Variants in HIVEP1 observed in about 807,000 individuals in gnomAD.
The protein encoded by HIVEP1 is zinc finger protein 40.
HIVEP1 carries 36 observed loss-of-function variants against 180.0 expected under a neutral mutation model. The ratio of observed to expected loss-of-function variants is 0.20; its 90% CI spans 0.15 to 0.26. The LOEUF (loss-of-function observed/expected upper bound fraction) is 0.26, where lower values mean the gene tolerates loss of function less well. Ranked by LOEUF, HIVEP1 falls within the 10% of genes least tolerant of loss-of-function variation. The pLI, the probability that HIVEP1 is intolerant of heterozygous loss-of-function variation, is 1.00. For missense variants in HIVEP1, 3,143 were observed against 3,268.7 expected, an observed-to-expected ratio of 0.96 and a Z score of 0.94; for synonymous variants, 1,239 against 1,239.0, an observed-to-expected ratio of 1.00 and a Z score of 0.00.
At chr6:12,139,726 G>T (rs1264187779) in intron 7 of HIVEP1, among the ~76,000 whole-genome samples, 3 of 152,200 alleles carry the variant, frequency 2.0e-5, no homozygotes, top group African/African-American at 7.2e-5. Context: ...ACAGAGCCTT[G>T]CTCACTGCTA....
the HIVEP1 span, among the ~76,000 whole-genome samples, chr6:12,175,314 A>C: frequency 4.1e-4 from 62 of 152,306 alleles, 1 homozygote; most frequent in Non-Finnish European, 4.0e-4. Context: ...GCTAATTGTC[A>C]AATTATTTAT....
intron 2 of HIVEP1, among the ~76,000 whole-genome samples, chr6:12,086,196 A>G (rs1773106707): frequency 6.6e-6 from 1 of 152,126 alleles, no homozygotes; most frequent in South Asian, 2.1e-4. Context: ...TGGATCTTAA[A>G]GATTACAGAT....
the HIVEP1 span, among the ~76,000 whole-genome samples, chr6:12,202,235 G>C: frequency 2.0e-5 from 3 of 152,008 alleles, no homozygotes; most frequent in African/African-American, 7.2e-5. Context: ...GCTCACTGCA[G>C]CCTTGACCTC....
At chr6:12,017,967 C>T in intron 2 of HIVEP1, among the ~76,000 whole-genome samples, 1 of 152,326 alleles carries the variant, frequency 6.6e-6, no homozygotes, top group Admixed American at 6.5e-5. Flanking sequence ...CGCCTAGGAA[C>T]AGGGGGCAGC....
At chr6:12,102,959 A>G (rs1427056042) in intron 3 of HIVEP1, among the ~76,000 whole-genome samples, 1 of 152,070 alleles carries the variant, frequency 6.6e-6, no homozygotes, top group Non-Finnish European at 1.5e-5. Flanking sequence ...TTGTATTTTA[A>G]TAATTAGAAT....
chr6:12,150,099 G>A (rs1274643527), intron 7 of HIVEP1, among the ~76,000 whole-genome samples: 1 of 152,202 alleles, frequency 6.6e-6, no homozygotes, highest in Non-Finnish European at 1.5e-5. Context: ...TTTAAAACTA[G>A]CAACTTGAGC....
At chr6:12,045,054 G>T (rs1434594924) in intron 2 of HIVEP1, among the ~76,000 whole-genome samples, 1 of 152,238 alleles carries the variant, frequency 6.6e-6, no homozygotes, top group African/African-American at 2.4e-5. Context: ...TAGATGAGTT[G>T]TTTAGAACAC....
chr6:12,195,698 G>C, the HIVEP1 span, among the ~76,000 whole-genome samples: 2 of 151,878 alleles, frequency 1.3e-5, no homozygotes, highest in African/African-American at 4.8e-5. Context: ...GGAAATCATG[G>C]TGACTCTGAA....
intron 2 of HIVEP1, among the ~76,000 whole-genome samples, chr6:12,051,514 C>T (rs1581584056): frequency 6.6e-6 from 1 of 151,922 alleles, no homozygotes; most frequent in South Asian, 2.1e-4. Context: ...TCCATTTTTG[C>T]CTTTACTATG....
chr6:12,066,882 GTA>G lies in HIVEP1; in HGVS notation c.41-22291_41-22290del, dbSNP rs1408950921. ...ACAAAGACACTGTGTGTGTGTGTGT[GTA>G]TATATATATACACACACATACACTT... On this transcript the variant is annotated intron_variant, in intron 2 of 8. Transcript: ENST00000379388. 5.3e-5 allele frequency among the ~76,000 whole-genome samples: 8 copies of G among 151,318 alleles called. No individual in the cohort carries two copies. In the East Asian group the frequency reaches 7.8e-4, roughly 15 times the overall value.
chr6:12,015,509 G>C lies in HIVEP1; in HGVS notation c.-103-17G>C, dbSNP rs149694079. The C allele has an allele frequency of 2.5e-6, 2 of 805,748 alleles. No homozygotes were observed. Among genetic ancestry groups the C allele is most frequent in the African/African-American group, 3.5e-5 (2 of 57,586 alleles). 49.9% of individuals were successfully genotyped at this position (805,748 alleles called of 1,614,324 possible). A position where few individuals can be genotyped will look rare whatever the true frequency, so the allele number is the denominator to read the frequency against. ...TGAAGGTAGTAAAATGTGCTTCTCCGTTTTTTTCTTTTTCAGCACATGGAT... is the reference window on the plus strand; with the variant it reads ...TGAAGGTAGTAAAATGTGCTTCTCCCTTTTTTTCTTTTTCAGCACATGGAT... On this transcript the variant is annotated splice_polypyrimidine_tract_variant and intron_variant, in intron 1 of 8. Transcript: ENST00000379388.
rs533251013 is a variant in HIVEP1, at chr6:12,047,595, G to T, written c.40+31927G>T. ...GAGCAGAGGTGCTACTCAGAAGCAG[G>T]TGTTCTGCCACAAACACATCTTCTT... On this transcript the variant is annotated intron_variant, in intron 2 of 8. Coordinates refer to ENST00000379388, the MANE Select transcript of HIVEP1 (RefSeq NM_002114.4). 1.8e-4 allele frequency among the ~76,000 whole-genome samples: 27 copies of T among 152,360 alleles called. No homozygotes were observed. The South Asian group carries it at 5.2e-3, about 29-fold the overall frequency.
the HIVEP1 span, among the ~76,000 whole-genome samples, chr6:12,201,296 G>A: frequency 2.0e-5 from 3 of 152,094 alleles, no homozygotes; most frequent in African/African-American, 7.2e-5. Context: ...GGGCAACATG[G>A]GGAAACCCCG....
the HIVEP1 span, among the ~76,000 whole-genome samples, chr6:12,196,234 G>A: frequency 6.6e-6 from 1 of 152,094 alleles, no homozygotes; most frequent in East Asian, 1.9e-4. Flanking sequence ...ACACTTAGAC[G>A]GTTGTATACA....
chr6:12,014,071 A>G (rs75699687), intron 1 of HIVEP1, among the ~76,000 whole-genome samples: 2,681 of 152,338 alleles, frequency 0.018, 77 homozygotes, highest in African/African-American at 0.062. Flanking sequence ...CAAAGCGTCT[A>G]CAATGTTTAG....
chr6:12,021,385 C>G (rs1350699293), intron 2 of HIVEP1, among the ~76,000 whole-genome samples: 1 of 152,154 alleles, frequency 6.6e-6, no homozygotes, highest in Non-Finnish European at 1.5e-5. Flanking sequence ...ACTTCTTCTC[C>G]TTTTCCATTT....
chr6:12,078,270 G>C (rs889556997), intron 2 of HIVEP1, among the ~76,000 whole-genome samples: 1 of 152,074 alleles, frequency 6.6e-6, no homozygotes, highest in Admixed American at 6.6e-5. Flanking sequence ...GAATAGTCTC[G>C]GTGGTCTGTG....
intron 2 of HIVEP1, among the ~76,000 whole-genome samples, chr6:12,052,967 G>A (rs1044203723): frequency 7.2e-5 from 11 of 152,126 alleles, no homozygotes; most frequent in East Asian, 1.9e-4. Context: ...GGGGTTGGGC[G>A]GGGATTCTCA....
the HIVEP1 span, among the ~76,000 whole-genome samples, chr6:12,196,321 T>C: frequency 6.6e-6 from 1 of 152,224 alleles, no homozygotes; most frequent in Non-Finnish European, 1.5e-5. Flanking sequence ...AGGTATGTTC[T>C]ATTTAGACAT....
Sources: allele counts gnomAD v4.1 joint callset (sites outside exome capture counted in the v4.1 genomes callset), GRCh38; gene constraint gnomAD v4.1.1; transcripts MANE v1.5; gene names NCBI Gene and HGNC (gene_info 2026-07-23, HGNC 2026-07-21).